EPHA2: variants seen among roughly 807,000 people sequenced by gnomAD.
EPHA2 encodes the protein EPH receptor A2, also known as ephrin type-A receptor 2.
A neutral mutation model predicts 104.9 loss-of-function variants in EPHA2; 54 were observed. That is an observed-to-expected ratio of 0.51 (90% CI 0.41 to 0.65). EPHA2 has a LOEUF of 0.65. EPHA2 is among the 30% of genes least tolerant of loss of function. The pLI is 0.00. For missense variants in EPHA2, 1,117 were observed against 1,369.5 expected, an observed-to-expected ratio of 0.82 and a Z score of 2.91; for synonymous variants, 560 against 559.1, an observed-to-expected ratio of 1.00 and a Z score of -0.02.
At chr1:16,132,018 C>G (rs1174010158) in intron 13 of EPHA2, 46 bp downstream of exon 13, 1 of 1,613,076 alleles carries the variant, frequency 6.2e-7, no homozygotes, top group Admixed American at 1.7e-5. Context: ...GGACACCATG[C>G]AGGGCGAAGG....
Position 16,133,289 on chromosome 1 carries a change from CA to C in EPHA2, c.1943del (p.Leu648ArgfsTer31). The C allele has an allele frequency of 6.2e-7, 1 of 1,613,898 alleles. No individual in the cohort carries two copies. The highest frequency in any genetic ancestry group is 8.5e-7 in the Non-Finnish European group (1 of 1,179,952). On this transcript the variant is annotated frameshift_variant, in exon 11 of 17. Transcript: ENST00000358432. LOFTEE classifies it high-confidence loss of function. ...KKEVPVAIKT[L>X]KAGYTEKQRV... ...GCTGCTTCTCTGTGTAGCCGGCTTT[CA>C]GCGTCTTGATGGCCACCGGCACCTC...
At chr1:16,127,572 G>A (rs536041494) in intron 16 of EPHA2, among the ~76,000 whole-genome samples, 80 of 152,322 alleles carry the variant, frequency 5.3e-4, no homozygotes, top group African/African-American at 1.7e-3. Context: ...GGAAAGGCAC[G>A]CATTCCCCTG....
chr1:16,154,792 C>G (rs2025118965), intron 1 of EPHA2, among the ~76,000 whole-genome samples: 1 of 145,974 alleles, frequency 6.9e-6, no homozygotes, highest in South Asian at 2.2e-4. Flanking sequence ...AAGGAAACTT[C>G]TCACCGGCCC....
intron 9 of EPHA2, 71 bp from the exon 10 acceptor site, chr1:16,133,677 GAGA>G (rs2024624241): frequency 4.4e-6 from 7 of 1,602,398 alleles, no homozygotes; most frequent in African/African-American, 2.7e-5. Context: ...GGAGTCAGAG[GAGA>G]AGGTCACGTG....
chr1:16,153,647 C>T (rs531559960), intron 1 of EPHA2, among the ~76,000 whole-genome samples: 5 of 152,308 alleles, frequency 3.3e-5, no homozygotes, highest in South Asian at 2.1e-4. Flanking sequence ...GGCAAGGGCT[C>T]GGGCCTCCCT....
Position 16,134,969 on chromosome 1 carries a change from C to A in EPHA2, c.1582+67G>T. On this transcript the variant is annotated intron_variant, in intron 7 of 16. Coordinates refer to ENST00000358432, the MANE Select transcript of EPHA2 (RefSeq NM_004431.5). This position sits in a 1 kb window ranked among gnomAD's most constrained non-coding sequence, Gnocchi z 4.5. ...CTAAGTTATTTGATTCACTTCCTTT[C>A]CCAAGATGTCTCAATTGCTTGGTTC... 6.3e-7 allele frequency: 1 copy of A among 1,595,494 alleles called. No individual in the cohort carries two copies. Among genetic ancestry groups the A allele is most frequent in the South Asian group, 1.1e-5 (1 of 90,508 alleles).
chr1:16,125,374 C>CG lies in EPHA2; in HGVS notation c.2826-55_2826-54insC. On this transcript the variant is annotated intron_variant, in intron 16 of 16. Coordinates refer to ENST00000358432, the MANE Select transcript of EPHA2 (RefSeq NM_004431.5). This position sits in a 1 kb window ranked among gnomAD's most constrained non-coding sequence, Gnocchi z 4.9. ...TTAGGGGCTGGAGCAGGGGAGGGGGCCGGGCTGGGTGGGGACAGGACTCGG... is the reference window on the plus strand; with the variant it reads ...TTAGGGGCTGGAGCAGGGGAGGGGGCGCGGGCTGGGTGGGGACAGGACTCGG... 1 of 218,008 alleles carries CG rather than the reference C, an allele frequency of 4.6e-6. No individual in the cohort carries two copies. The highest frequency in any genetic ancestry group is 9.4e-6 in the Non-Finnish European group (1 of 105,944). The allele number at this position is 218,008 out of a possible 1,614,324, so 13.5% of individuals were successfully genotyped here.
At chr1:16,147,562 G>A (rs145992394) in intron 3 of EPHA2, among the ~76,000 whole-genome samples, 206 of 152,036 alleles carry the variant, frequency 1.4e-3, no homozygotes, top group African/African-American at 4.7e-3. Flanking sequence ...CCACAGTGCC[G>A]CTGTACCAGA....
At chr1:16,143,769 C>T (rs955093024) in intron 3 of EPHA2, among the ~76,000 whole-genome samples, 1 of 152,180 alleles carries the variant, frequency 6.6e-6, no homozygotes, top group African/African-American at 2.4e-5. Context: ...GCAGGAACCA[C>T]CTTGGCCCAG....
rs1432724405 is a variant in EPHA2 at position 16,129,507 on chromosome 1, T to A, written c.2752A>T (p.Met918Leu). The part of the protein sequence containing the change: ...TVSEWLESIK[M>L]QQYTEHFMAA... Reference sequence around the variant, plus strand: ...ATGAAGTGCTCCGTATACTGCTGCATCTTGATGGACTCCAGCCACTCGGAC... The same window carrying A: ...ATGAAGTGCTCCGTATACTGCTGCAACTTGATGGACTCCAGCCACTCGGAC... The change falls in exon 16 of 17, where the codon ATG becomes TTG. Residue 918 changes from methionine (M) to leucine (L), a missense_variant. This residue lies in a region of EPHA2 where 340 missense variants were observed against 480.5 expected (regional missense o/e 0.71). Transcript: ENST00000358432. 1 of 1,613,742 alleles carries A rather than the reference T, an allele frequency of 6.2e-7. No homozygotes were observed. The highest frequency in any genetic ancestry group is 1.1e-5 in the South Asian group (1 of 91,058).
chr1:16,138,437 G>C lies in EPHA2; in HGVS notation c.824-7C>G, dbSNP rs1301165838. ...AAAAATCCAGGCGAGCAGGCTGGTG[G>C]ACACAGGACAGACAGAGCACAAGGA... On this transcript the variant is annotated splice_region_variant and splice_polypyrimidine_tract_variant and intron_variant, in intron 3 of 16. Coordinates refer to ENST00000358432, the MANE Select transcript of EPHA2 (RefSeq NM_004431.5). 20 of 1,613,354 alleles carry C rather than the reference G, an allele frequency of 1.2e-5. No homozygotes were observed. Among genetic ancestry groups the C allele is most frequent in the Non-Finnish European group, 1.5e-5 (18 of 1,180,020 alleles).
Position 16,131,443 on chromosome 1 carries a change from G to C in EPHA2, c.2475+278C>G, listed in dbSNP as rs1372233603. Among the ~76,000 whole-genome samples the C allele has an allele frequency of 6.6e-6, 1 of 152,184 alleles. No homozygotes were observed. The highest frequency in any genetic ancestry group is 2.4e-5 in the African/African-American group (1 of 41,434). On this transcript the variant is annotated intron_variant, in intron 14 of 16. Transcript: ENST00000358432. This position sits in a 1 kb window ranked among gnomAD's most constrained non-coding sequence, Gnocchi z 5.2. Reference sequence around the variant, plus strand: ...AAAAATACAAAAATTAGCTGGGTGTGGTGGCGCATGCCTGTAATCCCAGCT... The same window carrying C: ...AAAAATACAAAAATTAGCTGGGTGTCGTGGCGCATGCCTGTAATCCCAGCT...
intron 3 of EPHA2, among the ~76,000 whole-genome samples, chr1:16,142,928 G>A (rs559279145): frequency 6.8e-6 from 1 of 146,120 alleles, no homozygotes; most frequent in East Asian, 2.1e-4. Context: ...ACGGATGGAT[G>A]AGTAGATGGA....
chr1:16,129,737 G>C, intron 15 of EPHA2, 148 bp from the exon 16 acceptor site: 1 of 1,074,836 alleles, frequency 9.3e-7, no homozygotes, highest in Admixed American at 2.7e-5. Context: ...AGTCAAGTAG[G>C]GTTCAATGAG....
rs543690048 is a variant in EPHA2 at position 16,131,409 on chromosome 1, G to A, written c.2475+312C>T. On this transcript the variant is annotated intron_variant, in intron 14 of 16. Transcript: ENST00000358432. The surrounding 1 kb of genome is among the most constrained non-coding windows in gnomAD (Gnocchi z 5.2). ...AGCCTGGCCAACATAGTGAAACCCC[G>A]TCTCTACTAAAAATACAAAAATTAG... Among the ~76,000 whole-genome samples, 137 of 152,060 alleles carry A rather than the reference G, an allele frequency of 9.0e-4. No individual in the cohort carries two copies. The highest frequency in any genetic ancestry group is 2.6e-4 in the Admixed American group (4 of 15,262).
intron 3 of EPHA2, among the ~76,000 whole-genome samples, chr1:16,143,977 C>A (rs913123810): frequency 2.6e-5 from 4 of 152,150 alleles, no homozygotes; most frequent in Non-Finnish European, 5.9e-5. Context: ...CTTTCACACA[C>A]ACCCTAGGGA....
At chr1:16,152,022 A>C (rs114603415) in intron 1 of EPHA2, among the ~76,000 whole-genome samples, 1 of 152,208 alleles carries the variant, frequency 6.6e-6, no homozygotes, top group Non-Finnish European at 1.5e-5. Flanking sequence ...AAGTCCAGGT[A>C]GCTGCCAATA....
In EPHA2 at chr1:16,132,403, T is replaced by C. The variant is rs148264105; in HGVS notation, c.2090A>G (p.Asn697Ser). The C allele has an allele frequency of 6.2e-7, 1 of 1,613,968 alleles. No individual in the cohort carries two copies. The highest frequency in any genetic ancestry group is 1.3e-5 in the African/African-American group (1 of 74,908). Residue 697 changes from asparagine (N) to serine (S), a missense_variant, in exon 12 of 17, where the codon AAT becomes AGT. Coordinates refer to ENST00000358432, the MANE Select transcript of EPHA2 (RefSeq NM_004431.5). ...PMMIITEYME[N>S]GALDKFLREK... The stretch of plus-strand genomic sequence containing the variant: ...CCGAAGGAACTTGTCCAGGGCCCCA[T>C]TCTCCATGTACTCAGTGATGATCAT...
Position 16,131,943 on chromosome 1 carries a change from G to A in EPHA2, c.2326-73C>T, listed in dbSNP as rs1225440325. 1.1e-5 allele frequency: 18 copies of A among 1,599,302 alleles called. No individual in the cohort carries two copies. Among genetic ancestry groups the A allele is most frequent in the South Asian group, 6.7e-5 (6 of 89,794 alleles). On this transcript the variant is annotated intron_variant, in intron 13 of 16. Coordinates refer to ENST00000358432, the MANE Select transcript of EPHA2 (RefSeq NM_004431.5). This position sits in a 1 kb window ranked among gnomAD's most constrained non-coding sequence, Gnocchi z 5.2. ...CAGGACCATTGCAGCCAAGCCCCAC[G>A]ACCCCTCCCTGGACTCCTACAGGTG...
Sources: allele counts gnomAD v4.1 joint callset (sites outside exome capture counted in the v4.1 genomes callset), GRCh38; gene constraint gnomAD v4.1.1; regional missense constraint gnomAD v4.1.1; non-coding constraint Gnocchi (gnomAD v3.1); transcripts MANE v1.5; gene names NCBI Gene and HGNC (gene_info 2026-07-23, HGNC 2026-07-21).